Variants in NR2F1-AS1 observed in about 807,000 individuals in gnomAD.
NR2F1-AS1 encodes the protein NR2F1 regulatory antisense RNA 1.
intron 4 of NR2F1-AS1, among the ~76,000 whole-genome samples, chr5:93,475,015 T>G (rs1371071881): frequency 6.7e-6 from 1 of 149,218 alleles, no homozygotes; most frequent in African/African-American, 2.5e-5. Context: ...TCCCAGCTGC[T>G]GGGGAGGCTG....
intron 4 of NR2F1-AS1, among the ~76,000 whole-genome samples, chr5:93,471,288 A>G (rs1750359047): frequency 6.6e-6 from 1 of 151,900 alleles, no homozygotes; most frequent in South Asian, 2.1e-4. Context: ...CAATTTGGTA[A>G]GATATGTTGT....
chr5:93,564,382 C>T (rs975713909), intron 1 of NR2F1-AS1, among the ~76,000 whole-genome samples: 4 of 152,008 alleles, frequency 2.6e-5, no homozygotes, highest in African/African-American at 9.7e-5. Context: ...TTTCATAGGA[C>T]AGACATGGCA....
intron 4 of NR2F1-AS1, among the ~76,000 whole-genome samples, chr5:93,515,341 A>T (rs1751379070): frequency 3.3e-5 from 5 of 151,924 alleles, no homozygotes; most frequent in Admixed American, 3.3e-4. Flanking sequence ...GAACCCTGTG[A>T]TATATAAGAT....
At chr5:93,561,003 G>A (rs914402626) in intron 2 of NR2F1-AS1, among the ~76,000 whole-genome samples, 18 of 152,228 alleles carry the variant, frequency 1.2e-4, no homozygotes, top group African/African-American at 4.1e-4. Context: ...GCCGGGCATG[G>A]TGGCTCACGC....
chr5:93,502,254 A>G (rs1036153028), intron 4 of NR2F1-AS1, among the ~76,000 whole-genome samples: 30 of 152,150 alleles, frequency 2.0e-4, no homozygotes, highest in African/African-American at 6.8e-4. Context: ...TGAACTTGCA[A>G]TATCTCTGAG....
At chr5:93,545,889 T>G (rs923582361) in intron 4 of NR2F1-AS1, among the ~76,000 whole-genome samples, 1 of 152,212 alleles carries the variant, frequency 6.6e-6, no homozygotes, top group African/African-American at 2.4e-5. Context: ...CATAGGAAAT[T>G]TCATCCACGG....
At chr5:93,538,480 T>C (rs1342855615) in intron 4 of NR2F1-AS1, among the ~76,000 whole-genome samples, 1 of 152,042 alleles carries the variant, frequency 6.6e-6, no homozygotes, top group East Asian at 1.9e-4. Context: ...TTTCAAAAAT[T>C]AATAATTAAA....
chr5:93,564,341 A>G (rs1172974686), intron 1 of NR2F1-AS1, among the ~76,000 whole-genome samples: 2 of 152,078 alleles, frequency 1.3e-5, no homozygotes, highest in Admixed American at 6.6e-5. Context: ...AATAAAATAT[A>G]TAACTCCAAC....
intron 1 of NR2F1-AS1, among the ~76,000 whole-genome samples, chr5:93,563,860 T>C (rs1752550677): frequency 6.6e-6 from 1 of 151,980 alleles, no homozygotes; most frequent in Non-Finnish European, 1.5e-5. Flanking sequence ...CCCAGCACTT[T>C]GGGAAGCTGA....
At chr5:93,447,102 A>G (rs1749729030) in intron 4 of NR2F1-AS1, among the ~76,000 whole-genome samples, 1 of 152,222 alleles carries the variant, frequency 6.6e-6, no homozygotes, top group South Asian at 2.1e-4. Context: ...TAAAAACCCT[A>G]GAAGAAAACC....
At chr5:93,530,626 C>A (rs1751716930) in intron 4 of NR2F1-AS1, among the ~76,000 whole-genome samples, 1 of 152,202 alleles carries the variant, frequency 6.6e-6, no homozygotes, top group South Asian at 2.1e-4. Flanking sequence ...ACTGCCCCCT[C>A]TTAAAATGGA....
chr5:93,584,740 G>A (rs1753194992), upstream of NR2F1-AS1: 1 of 151,224 alleles, frequency 6.6e-6, no homozygotes, highest in Admixed American at 6.6e-5. Context: ...TGCAAAAAGA[G>A]AGAAAGAAAA....
chr5:93,532,971 T>C (rs966891116), intron 4 of NR2F1-AS1, among the ~76,000 whole-genome samples: 5 of 152,260 alleles, frequency 3.3e-5, no homozygotes, highest in African/African-American at 1.2e-4. Context: ...TATTACACTG[T>C]CCTAGATCCT....
chr5:93,459,334 T>G (rs1750039044), intron 4 of NR2F1-AS1, among the ~76,000 whole-genome samples: 1 of 152,122 alleles, frequency 6.6e-6, no homozygotes, highest in South Asian at 2.1e-4. Context: ...ATGCTCAATA[T>G]CATTATTCAT....
chr5:93,540,935 T>C (rs144964321), intron 4 of NR2F1-AS1, among the ~76,000 whole-genome samples: 1 of 152,324 alleles, frequency 6.6e-6, no homozygotes, highest in African/African-American at 2.4e-5. Flanking sequence ...ACTGGTTTGA[T>C]AGAAGAAAAT....
chr5:93,419,553 C>G (rs1185657414), intron 4 of NR2F1-AS1, among the ~76,000 whole-genome samples: 1 of 151,788 alleles, frequency 6.6e-6, no homozygotes, highest in African/African-American at 2.4e-5. Context: ...CTAGGCAATA[C>G]AGAAAGACTC....
At chr5:93,412,285 G>C (rs1408131174) in intron 4 of NR2F1-AS1, among the ~76,000 whole-genome samples, 9 of 152,078 alleles carry the variant, frequency 5.9e-5, no homozygotes, top group Non-Finnish European at 1.3e-4. Context: ...TCCTAGCTAG[G>C]CCTAGGTCTC....
chr5:93,491,097 T>C (rs1394076079), intron 4 of NR2F1-AS1, among the ~76,000 whole-genome samples: 1 of 150,242 alleles, frequency 6.7e-6, no homozygotes, highest in Non-Finnish European at 1.5e-5. Flanking sequence ...ATGGTGGTTG[T>C]AGTCATGCTG....
chr5:93,531,667 T>G (rs1169083762), intron 4 of NR2F1-AS1, among the ~76,000 whole-genome samples: 1 of 152,208 alleles, frequency 6.6e-6, no homozygotes, highest in Non-Finnish European at 1.5e-5. Context: ...TCATCTACTT[T>G]AAGAATTTCC....
Sources: gnomAD v4.1 joint callset for allele counts (sites outside exome capture counted in the v4.1 genomes callset) on GRCh38, gnomAD v4.1.1 for gene constraint, MANE v1.5 for transcripts, NCBI Gene and HGNC (gene_info 2026-07-23, HGNC 2026-07-21) for gene names.